Variants in PAG1 observed in about 807,000 individuals in gnomAD.
PAG1 encodes the protein phosphoprotein associated with glycosphingolipid-enriched microdomains 1.
In PAG1, 23 loss-of-function variants were observed where a neutral mutation model predicts 31.7. The observed-to-expected ratio is 0.73, with a 90% CI of 0.52 to 1.03. The LOEUF is 1.03. PAG1 is among the 50% of genes least tolerant of loss of function. The pLI is 0.00. For missense variants in PAG1, 473 were observed against 540.7 expected (o/e 0.87, Z 1.24); for synonymous variants, 214 against 210.3 (o/e 1.02, Z -0.15).
At chr8:80,979,339 G>T (rs974109282) in intron 8 of PAG1, among the ~76,000 whole-genome samples, 6 of 152,224 alleles carry the variant, frequency 3.9e-5, no homozygotes, top group Non-Finnish European at 8.8e-5. Context: ...AGCAGGAGGG[G>T]ACTGCTCTGG....
chr8:81,074,152 G>T (rs1480363443), intron 1 of PAG1, among the ~76,000 whole-genome samples: 1 of 152,218 alleles, frequency 6.6e-6, no homozygotes, highest in African/African-American at 2.4e-5. Context: ...AGATGATCCA[G>T]AAAAGCAGAA....
At chr8:81,002,449 T>C (rs1409987688) in intron 3 of PAG1, among the ~76,000 whole-genome samples, 1 of 152,230 alleles carries the variant, frequency 6.6e-6, no homozygotes, top group East Asian at 1.9e-4. Flanking sequence ...AGATGCTTGA[T>C]CTGGGAAAAG....
chr8:81,076,940 T>C (rs1809188280), intron 1 of PAG1, among the ~76,000 whole-genome samples: 1 of 152,206 alleles, frequency 6.6e-6, no homozygotes, highest in Non-Finnish European at 1.5e-5. Flanking sequence ...GAGTTTTTGA[T>C]GAAGATGATT....
chr8:81,081,404 T>C (rs547899542), intron 1 of PAG1, among the ~76,000 whole-genome samples: 1 of 152,322 alleles, frequency 6.6e-6, no homozygotes, highest in African/African-American at 2.4e-5. Context: ...CAGTTACTTA[T>C]AATAAAGAGG....
chr8:81,022,287 A>G (rs781749177), intron 3 of PAG1, among the ~76,000 whole-genome samples: 6 of 152,240 alleles, frequency 3.9e-5, no homozygotes, highest in Non-Finnish European at 8.8e-5. Context: ...AATCAAATGT[A>G]AAAGTTATTT....
intron 2 of PAG1, among the ~76,000 whole-genome samples, chr8:81,032,113 A>G (rs1808386187): frequency 6.6e-6 from 1 of 152,218 alleles, no homozygotes; most frequent in Non-Finnish European, 1.5e-5. Context: ...CTACAAAACT[A>G]TTAGAAAAAA....
chr8:81,000,731 C>A (rs1259889900), intron 3 of PAG1, among the ~76,000 whole-genome samples: 1 of 152,104 alleles, frequency 6.6e-6, no homozygotes, highest in African/African-American at 2.4e-5. Flanking sequence ...CATGAGCCAC[C>A]GCACCTGGCC....
intron 2 of PAG1, chr8:81,037,408 TCCATC>T (rs1808479182): frequency 6.6e-6 from 1 of 152,214 alleles, no homozygotes; most frequent in Admixed American, 6.5e-5. Flanking sequence ...TCCGTATGCA[TCCATC>T]CCAAGTGTGG....
intron 8 of PAG1, among the ~76,000 whole-genome samples, chr8:80,979,635 C>T (rs549932255): frequency 6.6e-6 from 1 of 152,230 alleles, no homozygotes; most frequent in African/African-American, 2.4e-5. Context: ...TAATGCTTTA[C>T]TCAGAGTCCT....
chr8:81,086,013 G>A (rs1010839014), intron 1 of PAG1, among the ~76,000 whole-genome samples: 4 of 100,252 alleles, frequency 4.0e-5, no homozygotes, highest in African/African-American at 1.8e-4. Flanking sequence ...ACGGAGTCTC[G>A]CTCTGTCGCC....
At chr8:81,048,278 T>C (rs570404999) in intron 2 of PAG1, among the ~76,000 whole-genome samples, 1 of 152,332 alleles carries the variant, frequency 6.6e-6, no homozygotes, top group South Asian at 2.1e-4. Flanking sequence ...ACCTGTCTTA[T>C]ATTGGGGGAG....
At chr8:81,097,446 C>G (rs1809545385) in intron 1 of PAG1, among the ~76,000 whole-genome samples, 1 of 152,040 alleles carries the variant, frequency 6.6e-6, no homozygotes, top group African/African-American at 2.4e-5. Flanking sequence ...GGTGCAGTAC[C>G]AAGGCAGGAC....
At position 80,976,597 on chromosome 8, in the gene PAG1, C is replaced by G; in HGVS notation, c.1246G>C (p.Asp416His). ...TGCAAGTCACTTATGCTCTCGTAGT[C>G]GTTCTCCTTTGGGACGAGACCGTGG... ...GHHGLVPKEN[D>H]YESISDLQQG... Residue 416 changes from aspartate (D) to histidine (H), a missense_variant, in exon 9 of 9, where the codon GAC (aspartate) becomes CAC (histidine). Physicochemically the swap from Asp to His is moderately conservative, Grantham distance 81 (BLOSUM62 -1). Coordinates refer to ENST00000220597, the MANE Select transcript of PAG1 (RefSeq NM_018440.4). 7 of 1,614,002 alleles carry G rather than the reference C, an allele frequency of 4.3e-6. No homozygotes were observed. Among genetic ancestry groups the G allele is most frequent in the Non-Finnish European group, 5.9e-6 (7 of 1,179,956 alleles).
At chr8:81,051,131 C>T (rs902716231) in intron 2 of PAG1, among the ~76,000 whole-genome samples, 10 of 152,190 alleles carry the variant, frequency 6.6e-5, no homozygotes, top group African/African-American at 2.4e-4. Flanking sequence ...ATACTGAGTG[C>T]TGGGCTGGAT....
chr8:80,992,541 G>T (rs868457791), intron 4 of PAG1, among the ~76,000 whole-genome samples: 6 of 152,140 alleles, frequency 3.9e-5, no homozygotes, highest in Admixed American at 1.3e-4. Context: ...CTTGTTGGGG[G>T]TACTGACATT....
At chr8:81,044,680 C>A (rs1274123684) in intron 2 of PAG1, among the ~76,000 whole-genome samples, 1 of 152,220 alleles carries the variant, frequency 6.6e-6, no homozygotes, top group East Asian at 1.9e-4. Context: ...CTCACATAGC[C>A]CCTTTCACAC....
chr8:81,021,534 G>GTGTGCCTCTGTGTT (rs1383593913), intron 3 of PAG1, among the ~76,000 whole-genome samples: 1 of 148,800 alleles, frequency 6.7e-6, no homozygotes. Flanking sequence ...GTGTGTGTGT[G>GTGTGCCTCTGTGTT]TGTGTGCCTC....
intron 3 of PAG1, among the ~76,000 whole-genome samples, chr8:81,028,188 G>T (rs1350758632): frequency 1.3e-5 from 2 of 152,206 alleles, no homozygotes; most frequent in Admixed American, 1.3e-4. Flanking sequence ...AAGCAGAAAT[G>T]CCAGGCCTCA....
At chr8:81,052,240 T>C (rs1401873098) in intron 2 of PAG1, among the ~76,000 whole-genome samples, 1 of 152,138 alleles carries the variant, frequency 6.6e-6, no homozygotes, top group Non-Finnish European at 1.5e-5. Context: ...CTAAAACCTA[T>C]TTAAAGACTT....
Sources: gnomAD v4.1 joint callset for allele counts (sites outside exome capture counted in the v4.1 genomes callset) on GRCh38, gnomAD v4.1.1 for gene constraint, MANE v1.5 for transcripts, NCBI Gene and HGNC (gene_info 2026-07-23, HGNC 2026-07-21) for gene names.